FRMD4A: variants seen among roughly 807,000 people sequenced by gnomAD.
FRMD4A encodes the protein FERM domain-containing protein 4A.
FRMD4A carries 29 observed loss-of-function variants against 129.1 expected under a neutral mutation model. The ratio of observed to expected loss-of-function variants is 0.22; its 90% CI spans 0.17 to 0.31. FRMD4A has a LOEUF of 0.31. Ranked by LOEUF, FRMD4A falls within the 10% of genes least tolerant of loss-of-function variation. The pLI is 1.00. For missense variants in FRMD4A, 1,272 were observed against 1,375.8 expected (o/e 0.92, Z 1.19); for synonymous variants, 634 against 571.6 (o/e 1.11, Z -1.56).
In FRMD4A at chr10:14,229,661, A is replaced by C. The variant is rs1392579866; in HGVS notation, c.45+100397T>G. Among the ~76,000 whole-genome samples, 4 of 151,738 alleles carry C rather than the reference A, an allele frequency of 2.6e-5. No homozygotes were observed. The East Asian group carries it at 7.7e-4, about 29-fold the overall frequency. ...AGTAAGTTGCCCAGGCTGGTCTTGA[A>C]CTCGCGGGCACAAGCCGTCCTCCCA... On this transcript the variant is annotated intron_variant, in intron 2 of 24. Transcript: ENST00000357447.
intron 2 of FRMD4A, among the ~76,000 whole-genome samples, chr10:14,162,250 C>T (rs560367739): frequency 6.6e-6 from 1 of 152,250 alleles, no homozygotes; most frequent in African/African-American, 2.4e-5. Context: ...CAAGGCATCT[C>T]TAACTGATTC....
chr10:13,831,817 C>T (rs551739240), intron 3 of FRMD4A, among the ~76,000 whole-genome samples: 191 of 152,260 alleles, frequency 1.3e-3, no homozygotes, highest in African/African-American at 4.4e-3. Flanking sequence ...CTCCCAGTTG[C>T]CATTGTCTGG....
At chr10:13,986,510 G>T (rs1386045330) in intron 2 of FRMD4A, among the ~76,000 whole-genome samples, 5 of 96,750 alleles carry the variant, frequency 5.2e-5, no homozygotes, top group South Asian at 5.1e-4. Flanking sequence ...GGTGGGGGGA[G>T]GGGGGAGGGA....
intron 3 of FRMD4A, among the ~76,000 whole-genome samples, chr10:13,819,499 G>A (rs1430958092): frequency 6.6e-6 from 1 of 151,988 alleles, no homozygotes; most frequent in Non-Finnish European, 1.5e-5. Flanking sequence ...GTCACACTTG[G>A]CACATGTGCT....
At chr10:13,848,879 G>T (rs1010066939) in intron 3 of FRMD4A, among the ~76,000 whole-genome samples, 1 of 152,094 alleles carries the variant, frequency 6.6e-6, no homozygotes, top group Non-Finnish European at 1.5e-5. Flanking sequence ...TATGTTTTAT[G>T]GACTATTTCT....
intron 2 of FRMD4A, among the ~76,000 whole-genome samples, chr10:14,308,256 TA>T (rs1846418367): frequency 1.3e-5 from 2 of 152,222 alleles, no homozygotes; most frequent in African/African-American, 4.8e-5. Flanking sequence ...CACATCCCTT[TA>T]ATTGGTCTTG....
chr10:14,024,132 T>A (rs1832882850), intron 2 of FRMD4A, among the ~76,000 whole-genome samples: 1 of 152,208 alleles, frequency 6.6e-6, no homozygotes, highest in African/African-American at 2.4e-5. Flanking sequence ...AACCCACATC[T>A]CTACTATTTA....
intron 2 of FRMD4A, among the ~76,000 whole-genome samples, chr10:13,893,177 C>G (rs1473329491): frequency 1.3e-5 from 2 of 152,098 alleles, no homozygotes; most frequent in Non-Finnish European, 2.9e-5. Context: ...ACTGGGACTA[C>G]AGGCACACCC....
chr10:14,320,059 T>C (rs962848090), intron 2 of FRMD4A, among the ~76,000 whole-genome samples: 1 of 152,084 alleles, frequency 6.6e-6, no homozygotes, highest in African/African-American at 2.4e-5. Flanking sequence ...CCCCTTCCTC[T>C]TTTCTTACTG....
chr10:14,081,366 C>A (rs1229997849), intron 2 of FRMD4A, among the ~76,000 whole-genome samples: 1 of 152,152 alleles, frequency 6.6e-6, no homozygotes, highest in Non-Finnish European at 1.5e-5. Flanking sequence ...GGGGGTCTTG[C>A]AAGCATCTAG....
At chr10:13,851,377 C>T (rs2094137877) in intron 3 of FRMD4A, among the ~76,000 whole-genome samples, 1 of 152,150 alleles carries the variant, frequency 6.6e-6, no homozygotes, top group Non-Finnish European at 1.5e-5. Flanking sequence ...AGCAGGAATC[C>T]CCAACCCCTG....
intron 2 of FRMD4A, among the ~76,000 whole-genome samples, chr10:13,926,759 T>C (rs988915365): frequency 2.0e-5 from 3 of 152,178 alleles, no homozygotes; most frequent in African/African-American, 7.2e-5. Context: ...CACGACAATG[T>C]ACAAGGATAC....
At chr10:14,007,833 C>A (rs2095667506) in intron 2 of FRMD4A, among the ~76,000 whole-genome samples, 1 of 152,102 alleles carries the variant, frequency 6.6e-6, no homozygotes, top group South Asian at 2.1e-4. Flanking sequence ...TCTCTAAGAG[C>A]ACCCCTCCCC....
At chr10:13,849,095 G>A (rs1435431833) in intron 3 of FRMD4A, among the ~76,000 whole-genome samples, 1 of 152,214 alleles carries the variant, frequency 6.6e-6, no homozygotes, top group East Asian at 1.9e-4. Flanking sequence ...CCTAATAAAT[G>A]ATGATGGGAT....
At chr10:13,998,835 A>G (rs537879984) in intron 2 of FRMD4A, among the ~76,000 whole-genome samples, 1 of 152,292 alleles carries the variant, frequency 6.6e-6, no homozygotes, top group East Asian at 1.9e-4. Context: ...CAACACCCTG[A>G]TTCCAGCCTT....
At chr10:14,223,895 T>C (rs78354912) in intron 2 of FRMD4A, among the ~76,000 whole-genome samples, 2,031 of 152,222 alleles carry the variant, frequency 0.013, 40 homozygotes, top group African/African-American at 0.046. Flanking sequence ...GTGGGATAGA[T>C]ACTCCATTTC....
rs904057408 is a variant in FRMD4A, at chr10:14,137,380, A to T, written c.45+192678T>A. ...TGGCAATGTGTGTGTTTTGAAGCTAAGAGTGATAAAAATGTGCTGCATTTG... is the reference window on the plus strand; with the variant it reads ...TGGCAATGTGTGTGTTTTGAAGCTATGAGTGATAAAAATGTGCTGCATTTG... On this transcript the variant is annotated intron_variant, in intron 2 of 24. Coordinates refer to ENST00000357447, the MANE Select transcript of FRMD4A (RefSeq NM_018027.5). 3.3e-5 allele frequency among the ~76,000 whole-genome samples: 5 copies of T among 152,216 alleles called. No individual in the cohort carries two copies. In the East Asian group the frequency reaches 9.6e-4, roughly 29 times the overall value.
chr10:14,140,764 G>A (rs1329543836), intron 2 of FRMD4A, among the ~76,000 whole-genome samples: 1 of 151,908 alleles, frequency 6.6e-6, no homozygotes, highest in Non-Finnish European at 1.5e-5. Context: ...TTCACATGTA[G>A]GTATATATAT....
At chr10:14,302,352 A>G (rs1020915505) in intron 2 of FRMD4A, among the ~76,000 whole-genome samples, 2 of 152,296 alleles carry the variant, frequency 1.3e-5, no homozygotes, top group Middle Eastern at 3.4e-3. Flanking sequence ...ACACAGTAAA[A>G]CATGTCGCCT....
Sources: gnomAD v4.1 joint callset for allele counts (sites outside exome capture counted in the v4.1 genomes callset) on GRCh38, gnomAD v4.1.1 for gene constraint, MANE v1.5 for transcripts, NCBI Gene and HGNC (gene_info 2026-07-23, HGNC 2026-07-21) for gene names.